XPO7: variants seen among roughly 807,000 people sequenced by gnomAD.
The protein encoded by XPO7 is exportin 7, also known as exportin-7.
XPO7 carries 21 observed loss-of-function variants against 144.3 expected under a neutral mutation model. That is an observed-to-expected ratio of 0.15 (90% confidence interval 0.10 to 0.21). XPO7 has a LOEUF of 0.21. Ranked by LOEUF, XPO7 falls within the 10% of genes least tolerant of loss-of-function variation. The pLI is 1.00. For synonymous variants in XPO7, 580 were observed against 499.6 expected (o/e 1.16, Z -2.15); for missense variants, 808 against 1,325.8 (o/e 0.61, Z 6.06).
At chr8:21,960,808 G>A (rs572406099) in intron 1 of XPO7, among the ~76,000 whole-genome samples, 1 of 152,164 alleles carries the variant, frequency 6.6e-6, no homozygotes, top group Non-Finnish European at 1.5e-5. Flanking sequence ...ATTTAGCGTT[G>A]TAAAACTAAA....
At chr8:21,931,841 T>A (rs1355131103) in intron 1 of XPO7, among the ~76,000 whole-genome samples, 1 of 152,176 alleles carries the variant, frequency 6.6e-6, no homozygotes, top group Non-Finnish European at 1.5e-5. Flanking sequence ...AAAGGCTTCT[T>A]TTTTAAAATC....
intron 1 of XPO7, among the ~76,000 whole-genome samples, chr8:21,923,496 A>G (rs777749440): frequency 3.9e-5 from 6 of 152,232 alleles, no homozygotes; most frequent in Non-Finnish European, 7.3e-5. Flanking sequence ...AAATGTCTGT[A>G]TTTAAAACAT....
At chr8:21,928,683 A>G (rs970646226) in intron 1 of XPO7, among the ~76,000 whole-genome samples, 1 of 152,228 alleles carries the variant, frequency 6.6e-6, no homozygotes, top group Non-Finnish European at 1.5e-5. Context: ...CTTGCAAACC[A>G]GGCTGGTGTT....
intron 1 of XPO7, among the ~76,000 whole-genome samples, chr8:21,950,203 G>A (rs1811323254): frequency 6.6e-6 from 1 of 152,192 alleles, no homozygotes; most frequent in South Asian, 2.1e-4. Context: ...AGTGTGGGTA[G>A]TTGTAAGGAC....
chr8:21,933,161 C>T (rs531432831), intron 1 of XPO7, among the ~76,000 whole-genome samples: 23 of 138,722 alleles, frequency 1.7e-4, no homozygotes, highest in African/African-American at 6.3e-4. Context: ...AGTACAGTGG[C>T]GCGATCTTGG....
intron 1 of XPO7, chr8:21,966,410 A>C: frequency 1.4e-6 from 1 of 706,168 alleles, no homozygotes; most frequent in South Asian, 1.6e-5. Flanking sequence ...ACTACTACTC[A>C]AAGGAATATT....
intron 1 of XPO7, among the ~76,000 whole-genome samples, chr8:21,924,139 T>C (rs1810382342): frequency 6.6e-6 from 1 of 152,176 alleles, no homozygotes; most frequent in South Asian, 2.1e-4. Context: ...AGGCCTCAGT[T>C]CCTCACTGGC....
At chr8:21,957,406 C>T (rs1214448798) in intron 1 of XPO7, among the ~76,000 whole-genome samples, 3 of 152,164 alleles carry the variant, frequency 2.0e-5, no homozygotes, top group Non-Finnish European at 2.9e-5. Context: ...GAGCATGTAG[C>T]ATAAATGAAG....
chr8:21,937,236 T>C (rs1005515436), intron 1 of XPO7, among the ~76,000 whole-genome samples: 1 of 152,194 alleles, frequency 6.6e-6, no homozygotes, highest in African/African-American at 2.4e-5. Flanking sequence ...GTCGAATAAA[T>C]GAATCAGTCT....
At chr8:21,995,064 AAATAATAAT>A (rs150929948) in intron 20 of XPO7, among the ~76,000 whole-genome samples, 1 of 150,356 alleles carries the variant, frequency 6.7e-6, no homozygotes, top group Non-Finnish European at 1.5e-5. Flanking sequence ...AAAAAAAAAT[AAATAATAAT>A]AATAATAATA....
intron 1 of XPO7, among the ~76,000 whole-genome samples, chr8:21,920,077 T>A (rs2117225274): frequency 6.6e-6 from 1 of 151,736 alleles, no homozygotes; most frequent in South Asian, 2.1e-4. Context: ...TCAGTCACTG[T>A]CTTCGTCCCC....
chr8:21,992,172 C>G (rs1041147392), intron 19 of XPO7, among the ~76,000 whole-genome samples, 198 bp downstream of exon 19: 1 of 151,868 alleles, frequency 6.6e-6, no homozygotes, highest in Non-Finnish European at 1.5e-5. Flanking sequence ...TTAAGTAGTT[C>G]TTAGGATTTT....
At chr8:21,961,854 G>C (rs180792484) in intron 1 of XPO7, among the ~76,000 whole-genome samples, 2 of 145,982 alleles carry the variant, frequency 1.4e-5, no homozygotes, top group Admixed American at 6.7e-5. Flanking sequence ...GTAGAGACGG[G>C]GTTTCATCAC....
At chr8:21,975,415 G>A (rs1021485310) in intron 6 of XPO7, among the ~76,000 whole-genome samples, 2 of 152,342 alleles carry the variant, frequency 1.3e-5, no homozygotes, top group South Asian at 4.1e-4. Context: ...AGAAAGAAGT[G>A]TTAAGCTGGG....
At chr8:21,932,022 C>T (rs1172888558) in intron 1 of XPO7, among the ~76,000 whole-genome samples, 1 of 152,192 alleles carries the variant, frequency 6.6e-6, no homozygotes, top group South Asian at 2.1e-4. Context: ...TACAAGCACC[C>T]ACCACCACGC....
intron 15 of XPO7, chr8:21,988,260 C>G (rs1343453553): frequency 5.5e-6 from 1 of 183,198 alleles, no homozygotes; most frequent in East Asian, 1.5e-4. Flanking sequence ...AGGGGAAAGC[C>G]CCACTTAAAA....
At chr8:21,966,451 A>G (rs1403148500) in intron 1 of XPO7, 1 of 588,280 alleles carries the variant, frequency 1.7e-6, no homozygotes, top group Non-Finnish European at 3.1e-6. Flanking sequence ...TGTGGTACTT[A>G]TATCATGTTT....
At chr8:21,934,193 A>C (rs564020174) in intron 1 of XPO7, among the ~76,000 whole-genome samples, 5 of 152,336 alleles carry the variant, frequency 3.3e-5, no homozygotes, top group African/African-American at 1.2e-4. Flanking sequence ...GCTGTGAAGA[A>C]AAGTGTTGTA....
At chr8:21,986,256 C>T (rs1465350332) in intron 13 of XPO7, among the ~76,000 whole-genome samples, 1 of 151,516 alleles carries the variant, frequency 6.6e-6, no homozygotes, top group Non-Finnish European at 1.5e-5. Flanking sequence ...CGGGTTCAAG[C>T]GATTCTCCTG....
Sources: allele counts gnomAD v4.1 joint callset (sites outside exome capture counted in the v4.1 genomes callset), GRCh38; gene constraint gnomAD v4.1.1; transcripts MANE v1.5; gene names NCBI Gene and HGNC (gene_info 2026-07-23, HGNC 2026-07-21).